Variants in MGLL observed in about 807,000 individuals in gnomAD.
MGLL encodes the protein monoglyceride lipase.
A neutral mutation model predicts 29.1 loss-of-function variants in MGLL; 7 were observed. That is an observed-to-expected ratio of 0.24 (90% CI 0.14 to 0.45). The LOEUF is 0.45. Among genes scored for constraint, MGLL ranks in the 20% least tolerant of loss-of-function variants. MGLL has a pLI of 0.99. For synonymous variants in MGLL, 148 were observed against 168.3 expected (o/e 0.88, Z 0.93); for missense variants, 356 against 413.6 (o/e 0.86, Z 1.21).
chr3:127,721,260 C>G, intron 4 of MGLL, 97 bp from the exon 5 acceptor site: 1 of 1,053,520 alleles, frequency 9.5e-7, no homozygotes, highest in Non-Finnish European at 1.4e-6. Context: ...AGCTGCAGTC[C>G]TGGCCAAGAG....
rs996976459 is a variant in MGLL at position 127,692,025 on chromosome 3, T to G, written c.*173A>C. The G allele has an allele frequency of 7.2e-6, 6 of 831,648 alleles. No individual in the cohort carries two copies. In the Admixed American group the frequency reaches 1.1e-4, roughly 15 times the overall value. 51.5% of individuals were successfully genotyped at this position (831,648 alleles called of 1,614,324 possible). A position where few individuals can be genotyped will look rare whatever the true frequency, so the allele number is the denominator to read the frequency against. On this transcript the variant is annotated 3_prime_UTR_variant, in exon 8 of 8. Coordinates refer to ENST00000265052, the MANE Select transcript of MGLL (RefSeq NM_007283.7). ...CCATTAAGGTAGGTCCAGTGTCTGA[T>G]AGTCTAATGTATAACAAAAATGTCT...
chr3:127,699,811 G>A (rs550461647), intron 6 of MGLL, among the ~76,000 whole-genome samples: 2 of 152,342 alleles, frequency 1.3e-5, no homozygotes, highest in East Asian at 3.9e-4. Context: ...CTGACAGATG[G>A]TGAAGTGATC....
intron 3 of MGLL, among the ~76,000 whole-genome samples, chr3:127,725,689 C>G (rs939190111): frequency 2.6e-5 from 4 of 152,166 alleles, no homozygotes; most frequent in Admixed American, 2.6e-4. Context: ...AACCCATATG[C>G]CTACTATCTT....
At chr3:127,706,484 C>T (rs879260712) in intron 6 of MGLL, among the ~76,000 whole-genome samples, 12 of 152,150 alleles carry the variant, frequency 7.9e-5, no homozygotes, top group Non-Finnish European at 1.6e-4. Context: ...CCTTGGTGGC[C>T]GGCAGGAGTG....
chr3:127,738,292 T>G (rs1225313059), intron 3 of MGLL, among the ~76,000 whole-genome samples: 1 of 149,258 alleles, frequency 6.7e-6, no homozygotes, highest in African/African-American at 2.5e-5. Flanking sequence ...CAGAGTGAGA[T>G]TCTGTCTCTT....
At chr3:127,785,820 A>C (rs998092189) in intron 2 of MGLL, among the ~76,000 whole-genome samples, 1 of 152,250 alleles carries the variant, frequency 6.6e-6, no homozygotes, top group African/African-American at 2.4e-5. Context: ...GCAGCCACTC[A>C]GCAGAGAACA....
intron 2 of MGLL, among the ~76,000 whole-genome samples, chr3:127,806,925 T>C (rs1049635626): frequency 1.8e-4 from 27 of 152,236 alleles, no homozygotes; most frequent in African/African-American, 6.3e-4. Flanking sequence ...TTTGCATCTC[T>C]ATTCATAAGA....
At chr3:127,787,840 G>T (rs2077239402) in intron 2 of MGLL, among the ~76,000 whole-genome samples, 1 of 152,260 alleles carries the variant, frequency 6.6e-6, no homozygotes, top group South Asian at 2.1e-4. Context: ...AATTTGACCG[G>T]CACGTCTGCC....
intron 5 of MGLL, chr3:127,715,993 C>T: frequency 2.7e-6 from 1 of 365,228 alleles, no homozygotes; most frequent in Admixed American, 3.5e-5. Context: ...GCATGGCTCC[C>T]CCATTGAGGT....
intron 3 of MGLL, among the ~76,000 whole-genome samples, chr3:127,730,420 C>A (rs1375795968): frequency 6.6e-6 from 1 of 152,342 alleles, no homozygotes; most frequent in East Asian, 1.9e-4. Context: ...ACCCACCTGC[C>A]CACGGTTCCT....
chr3:127,795,371 A>G (rs1273714490), intron 2 of MGLL, among the ~76,000 whole-genome samples: 2 of 151,972 alleles, frequency 1.3e-5, no homozygotes, highest in African/African-American at 4.8e-5. Flanking sequence ...TAAAGCTGGG[A>G]AAAACAGACA....
chr3:127,757,745 T>C (rs562066485), intron 3 of MGLL, among the ~76,000 whole-genome samples: 1 of 152,230 alleles, frequency 6.6e-6, no homozygotes, highest in Admixed American at 6.5e-5. Context: ...CGAGAGAGTG[T>C]TTCTTGACCC....
chr3:127,730,346 A>G (rs901495820), intron 3 of MGLL, among the ~76,000 whole-genome samples: 3 of 151,968 alleles, frequency 2.0e-5, no homozygotes, highest in Non-Finnish European at 4.4e-5. Flanking sequence ...ATCCCAGCCC[A>G]GTATTCCCAG....
intron 5 of MGLL, among the ~76,000 whole-genome samples, chr3:127,716,879 G>A (rs2075826826): frequency 6.6e-6 from 1 of 152,214 alleles, no homozygotes; most frequent in Admixed American, 6.5e-5. Flanking sequence ...ATTTTCTTGA[G>A]AGTGAGAGGA....
At chr3:127,728,786 C>T (rs2076093197) in intron 3 of MGLL, among the ~76,000 whole-genome samples, 1 of 152,154 alleles carries the variant, frequency 6.6e-6, no homozygotes, top group Admixed American at 6.5e-5. Flanking sequence ...ATGTAATTTT[C>T]GTAGGTATTA....
rs115628862 is a variant in MGLL, at chr3:127,734,378, T to C, written c.263-11812A>G. 8.6e-3 allele frequency among the ~76,000 whole-genome samples: 1,317 copies of C among 152,300 alleles called. 25 individuals are homozygous for C. The highest frequency in any genetic ancestry group is 0.03 in the African/African-American group (1,258 of 41,560). ...TGGCTCCCAGTATTCCATTTCACCA[T>C]GGAAGCATCGCCCACTGCCTCTCCC... On this transcript the variant is annotated intron_variant, in intron 3 of 7. Transcript: ENST00000265052.
At chr3:127,741,113 C>T (rs190323821) in intron 3 of MGLL, among the ~76,000 whole-genome samples, 2 of 152,338 alleles carry the variant, frequency 1.3e-5, no homozygotes, top group Admixed American at 6.5e-5. Context: ...TCAGCTGTGC[C>T]CAAAGAGAGA....
At chr3:127,786,587 C>T (rs750078010) in intron 2 of MGLL, among the ~76,000 whole-genome samples, 5 of 152,214 alleles carry the variant, frequency 3.3e-5, no homozygotes, top group Admixed American at 6.5e-5. Flanking sequence ...ACACAGCCCT[C>T]GAGATGAACA....
chr3:127,822,048 A>G (rs558474597), intron 1 of MGLL: 37 of 668,378 alleles, frequency 5.5e-5, no homozygotes, highest in Non-Finnish European at 8.2e-5. Context: ...TGCTCACTTT[A>G]TTTTTTAAGT....
Sources: allele counts gnomAD v4.1 joint callset (sites outside exome capture counted in the v4.1 genomes callset), GRCh38; gene constraint gnomAD v4.1.1; transcripts MANE v1.5; gene names NCBI Gene and HGNC (gene_info 2026-07-23, HGNC 2026-07-21).